Variants in LRP8 observed in about 807,000 individuals in gnomAD.
LRP8 encodes the protein LDL receptor related protein 8.
LRP8 carries 46 observed loss-of-function variants against 111.6 expected under a neutral mutation model. The observed-to-expected ratio is 0.41, with a 90% CI of 0.33 to 0.53. The LOEUF is 0.53. Ranked by LOEUF, LRP8 falls within the 20% of genes least tolerant of loss-of-function variation. LRP8 has a pLI of 0.20. For synonymous variants in LRP8, 464 were observed against 511.2 expected, an observed-to-expected ratio of 0.91 and a Z score of 1.24; for missense variants, 959 against 1,297.4, an observed-to-expected ratio of 0.74 and a Z score of 4.01.
Position 53,250,562 on chromosome 1 carries a change from GGGAGGGAAGGAC to G in LRP8, c.2676+116_2676+127del. 2.7e-6 allele frequency: 2 copies of G among 747,592 alleles called. No individual in the cohort carries two copies. The highest frequency in any genetic ancestry group is 4.4e-6 in the Non-Finnish European group (2 of 454,990). 46.3% of individuals were successfully genotyped at this position (747,592 alleles called of 1,614,324 possible). ...GGGAGGGAAGGACGGAAGGAAAGGA[GGGAGGGAAGGAC>G]GGAAGGAAGGAAGGGAGGGAAGAAA... is the stretch of plus-strand genomic sequence containing the variant. On this transcript the variant is annotated intron_variant, in intron 17 of 18. Transcript: ENST00000306052. This position sits in a 1 kb window ranked among gnomAD's most constrained non-coding sequence, Gnocchi z 4.6.
intron 2 of LRP8, among the ~76,000 whole-genome samples, chr1:53,313,061 T>C (rs193298579): frequency 6.6e-6 from 1 of 152,296 alleles, no homozygotes; most frequent in East Asian, 1.9e-4. Context: ...TGCGGGGCCA[T>C]GTCTGATCCC....
intron 8 of LRP8, among the ~76,000 whole-genome samples, chr1:53,268,823 T>C (rs2100399709): frequency 6.6e-6 from 1 of 152,348 alleles, no homozygotes; most frequent in Non-Finnish European, 1.5e-5. Flanking sequence ...TCCTGTTGGC[T>C]GGCCTTTGCA....
chr1:53,326,870 C>T lies in LRP8; in HGVS notation c.244+3G>A. The stretch of plus-strand genomic sequence containing the variant: ...GGTCTGAGCTCCCTGGCCCGCCACT[C>T]ACGGCAGTCGTCCTCGTCGCTGTGG... On this transcript the variant is annotated splice_donor_region_variant and intron_variant, in intron 2 of 18. Transcript: ENST00000306052. 6.2e-7 allele frequency: 1 copy of T among 1,612,204 alleles called. No individual in the cohort carries two copies. Among genetic ancestry groups the T allele is most frequent in the Admixed American group, 1.7e-5 (1 of 59,874 alleles).
Position 53,276,674 on chromosome 1 carries a change from G to A in LRP8, c.883+18C>T, listed in dbSNP as rs1646929623. 2.0e-6 allele frequency: 3 copies of A among 1,525,046 alleles called. No homozygotes were observed. The highest frequency in any genetic ancestry group is 2.6e-6 in the Non-Finnish European group (3 of 1,138,928). 94.5% of individuals were successfully genotyped at this position (1,525,046 alleles called of 1,614,324 possible). Reference sequence around the variant, plus strand: ...CCGCAATCCCTGGGCGGGGCTGGGCGGTATGGAGGGGGCTTACGGCAGTCG... The same window carrying A: ...CCGCAATCCCTGGGCGGGGCTGGGCAGTATGGAGGGGGCTTACGGCAGTCG... On this transcript the variant is annotated intron_variant, in intron 5 of 18. Transcript: ENST00000306052.
intron 2 of LRP8, among the ~76,000 whole-genome samples, chr1:53,310,459 G>A (rs1466991543): frequency 1.3e-5 from 2 of 152,192 alleles, no homozygotes; most frequent in Non-Finnish European, 1.5e-5. Flanking sequence ...CTGCCTTACA[G>A]GCTGATGTGA....
chr1:53,327,622 CG>C (rs146675301), intron 1 of LRP8, among the ~76,000 whole-genome samples, 166 bp downstream of exon 1: 5,625 of 152,160 alleles, frequency 0.037, 277 homozygotes, highest in African/African-American at 0.1. Context: ...CCCGCGGGGG[CG>C]GGGGGCCGAG....
At chr1:53,265,138 G>A (rs1646503383) in intron 9 of LRP8, among the ~76,000 whole-genome samples, 1 of 152,140 alleles carries the variant, frequency 6.6e-6, no homozygotes, top group South Asian at 2.1e-4. Flanking sequence ...CAGTGAGAAT[G>A]GAAAGAAGGG....
At position 53,271,366 on chromosome 1, in the gene LRP8, C is replaced by T. The variant is rs766121937; in HGVS notation, c.1007-20G>A. On this transcript the variant is annotated intron_variant, in intron 6 of 18. Coordinates refer to ENST00000306052, the MANE Select transcript of LRP8 (RefSeq NM_004631.5). ...TCAGCCCTGGGGAGGGACATGGGCT[C>T]CTGAAGGTCCAGGAGCCCAGGAGGA... 3 of 1,613,602 alleles carry T rather than the reference C, an allele frequency of 1.9e-6. No homozygotes were observed.
intron 2 of LRP8, among the ~76,000 whole-genome samples, chr1:53,312,442 G>A (rs1653173477): frequency 6.6e-6 from 1 of 152,124 alleles, no homozygotes; most frequent in Non-Finnish European, 1.5e-5. Context: ...ATAGCCCACT[G>A]CAACCTCAAA....
rs1297467327 is a variant in LRP8 at position 53,260,576 on chromosome 1, G to A, written c.1944C>T (p.Asn648=). Residue 648 remains asparagine, a synonymous_variant, in exon 13 of 19, where the codon AAC becomes AAT. Transcript: ENST00000306052. ...GCCGATTTGCACTGAAAATGGCCTCGTTCTCCAGGTCTGTCCAGAACACCT... is the reference window on the plus strand; with the variant it reads ...GCCGATTTGCACTGAAAATGGCCTCATTCTCCAGGTCTGTCCAGAACACCT... The part of the protein sequence containing the change: ...EDKVFWTDLE[N]EAIFSANRLN... 12 of 1,614,086 alleles carry A rather than the reference G, an allele frequency of 7.4e-6. No homozygotes were observed. Among genetic ancestry groups the A allele is most frequent in the Middle Eastern group, 1.6e-4 (1 of 6,082 alleles).
intron 2 of LRP8, among the ~76,000 whole-genome samples, chr1:53,301,286 G>A (rs1219087044): frequency 6.6e-6 from 1 of 152,144 alleles, no homozygotes; most frequent in Non-Finnish European, 1.5e-5. Flanking sequence ...ACTGGCCCTG[G>A]GTCCTTAGCG....
chr1:53,311,582 G>A (rs1476438221), intron 2 of LRP8, among the ~76,000 whole-genome samples: 4 of 151,964 alleles, frequency 2.6e-5, no homozygotes, highest in Admixed American at 2.6e-4. Context: ...GATACTGCGT[G>A]GACCCTCCCT....
At chr1:53,312,894 G>C (rs1419535325) in intron 2 of LRP8, among the ~76,000 whole-genome samples, 1 of 152,216 alleles carries the variant, frequency 6.6e-6, no homozygotes, top group Non-Finnish European at 1.5e-5. Context: ...TGCATGGCAA[G>C]CACATGGCAA....
At chr1:53,251,576 G>A (rs746101761) in intron 16 of LRP8, among the ~76,000 whole-genome samples, 11 of 150,420 alleles carry the variant, frequency 7.3e-5, no homozygotes, top group Non-Finnish European at 1.5e-5. Flanking sequence ...GAGCATCCCA[G>A]TGGAGGCTGA....
rs1221093549 is a variant in LRP8, at chr1:53,258,461, G to A, written c.2067C>T (p.Ala689=). The A allele has an allele frequency of 6.2e-7, 1 of 1,613,870 alleles. No homozygotes were observed. The highest frequency in any genetic ancestry group is 8.5e-7 in the Non-Finnish European group (1 of 1,179,942). Reference sequence around the variant, plus strand: ...CATTAGGCTGGACACTCAGCTCACAGGCATCTGGAGCTAATGGCAGAGAGG... The same window carrying A: ...CATTAGGCTGGACACTCAGCTCACAAGCATCTGGAGCTAATGGCAGAGAGG... ...HELKQPRAPD[A]CELSVQPNGG... Residue 689 remains alanine (A), a synonymous_variant, in exon 14 of 19, where the codon GCC becomes GCT. Coordinates refer to ENST00000306052, the MANE Select transcript of LRP8 (RefSeq NM_004631.5).
chr1:53,326,496 G>T (rs1282934173), intron 2 of LRP8, among the ~76,000 whole-genome samples: 1 of 152,268 alleles, frequency 6.6e-6, no homozygotes, highest in African/African-American at 2.4e-5. Flanking sequence ...TGAAACACGC[G>T]CGCGTCCCGC....
chr1:53,254,732 G>A (rs1368210246), intron 16 of LRP8, among the ~76,000 whole-genome samples: 1 of 152,204 alleles, frequency 6.6e-6, no homozygotes, highest in Non-Finnish European at 1.5e-5. Context: ...GGAATGGTAA[G>A]CAGCTCTATT....
At chr1:53,285,678 T>C (rs192781340) in intron 3 of LRP8, among the ~76,000 whole-genome samples, 1 of 152,292 alleles carries the variant, frequency 6.6e-6, no homozygotes, top group East Asian at 1.9e-4. Context: ...TGCCAATGGC[T>C]GGGGACGTGC....
At position 53,301,999 on chromosome 1, in the gene LRP8, C is replaced by T. The variant is rs114859049; in HGVS notation, c.245-12310G>A. ...GGACCCCAGTGCCTCAGCTGTAAAA[C>T]AAGGACACTGACCTTGGTGGTCTCC... is the stretch of plus-strand genomic sequence containing the variant. On this transcript the variant is annotated intron_variant, in intron 2 of 18. Transcript: ENST00000306052. Among the ~76,000 whole-genome samples the T allele has an allele frequency of 5.6e-3, 850 of 152,196 alleles. 8 individuals are homozygous for T. The highest frequency in any genetic ancestry group is 0.019 in the African/African-American group (786 of 41,502).
Sources: gnomAD v4.1 joint callset for allele counts (sites outside exome capture counted in the v4.1 genomes callset) on GRCh38, gnomAD v4.1.1 for gene constraint, Gnocchi (gnomAD v3.1) non-coding constraint, MANE v1.5 for transcripts, NCBI Gene and HGNC (gene_info 2026-07-23, HGNC 2026-07-21) for gene names.